The following AGAP1 variants were observed in gnomAD, a reference collection of about 807,000 sequenced individuals.
AGAP1 encodes ArfGAP with GTPase domain, ankyrin repeat and PH domain 1, also known as arf-GAP with GTPase, ANK repeat and PH domain-containing protein 1.
A neutral mutation model predicts 105.3 loss-of-function variants in AGAP1; 29 were observed. The ratio of observed to expected loss-of-function variants is 0.28; its 90% CI spans 0.21 to 0.38. The LOEUF is 0.38. AGAP1 is among the 10% of genes least tolerant of loss of function. The probability of loss-of-function intolerance (pLI) is 1.00; values close to 1 mark genes in which losing one functional copy is unlikely to be tolerated. For missense variants in AGAP1, 998 were observed against 1,165.1 expected, an observed-to-expected ratio of 0.86 and a Z score of 2.09; for synonymous variants, 509 against 485.9, an observed-to-expected ratio of 1.05 and a Z score of -0.63.
At chr2:235,844,502 G>C (rs1401480946) in intron 9 of AGAP1, among the ~76,000 whole-genome samples, 1 of 152,074 alleles carries the variant, frequency 6.6e-6, no homozygotes, top group Non-Finnish European at 1.5e-5. Flanking sequence ...TGCACTTTTG[G>C]GGGCTGATGA....
rs984931008 is a variant in AGAP1 at position 235,546,962 on chromosome 2, G to A, written c.163+52113G>A. On this transcript the variant is annotated intron_variant, in intron 1 of 17. Transcript: ENST00000304032. Reference sequence around the variant, plus strand: ...ACTGGCCGTATTCAGCTCTCCACCCGTAGGGACCTGCTGTGGCAGCCATAA... The same window carrying A: ...ACTGGCCGTATTCAGCTCTCCACCCATAGGGACCTGCTGTGGCAGCCATAA... Among the ~76,000 whole-genome samples the A allele has an allele frequency of 2.6e-5, 4 of 152,212 alleles. 1 individual carries two copies. The South Asian group carries it at 6.2e-4, about 24-fold the overall frequency.
chr2:235,661,605 T>G (rs1381970196), intron 1 of AGAP1, among the ~76,000 whole-genome samples: 2 of 152,128 alleles, frequency 1.3e-5, no homozygotes, highest in Non-Finnish European at 2.9e-5. Flanking sequence ...TGATGTGGAC[T>G]TGGGGCTTCC....
At chr2:236,111,255 G>A (rs910551343) in intron 16 of AGAP1, among the ~76,000 whole-genome samples, 11 of 152,164 alleles carry the variant, frequency 7.2e-5, no homozygotes, top group Non-Finnish European at 1.2e-4. Flanking sequence ...TCCCAGCTGA[G>A]CGTGGTAGTG....
rs567744100 is a variant in AGAP1, at chr2:235,667,161, G to A, written c.164-42018G>A. Among the ~76,000 whole-genome samples the A allele has an allele frequency of 1.4e-3, 206 of 152,264 alleles. 1 individual carries two copies. Among genetic ancestry groups the A allele is most frequent in the Admixed American group, 1.8e-3 (28 of 15,296 alleles). On this transcript the variant is annotated intron_variant, in intron 1 of 17. Coordinates refer to ENST00000304032, the MANE Select transcript of AGAP1 (RefSeq NM_001037131.3). Reference sequence around the variant, plus strand: ...TTATCGCGAAGCTTTTCTCTCCCTCGCTGTCTTTCTGTGGTAAAATCACGT... The same window carrying A: ...TTATCGCGAAGCTTTTCTCTCCCTCACTGTCTTTCTGTGGTAAAATCACGT...
chr2:235,682,526 G>C (rs949519271), intron 1 of AGAP1, among the ~76,000 whole-genome samples: 1 of 151,638 alleles, frequency 6.6e-6, no homozygotes, highest in Non-Finnish European at 1.5e-5. Flanking sequence ...TTTAATTTTA[G>C]TAGAGATGGG....
chr2:236,037,828 G>A (rs898998252), intron 14 of AGAP1, among the ~76,000 whole-genome samples: 6 of 152,260 alleles, frequency 3.9e-5, no homozygotes, highest in Middle Eastern at 3.4e-3. Flanking sequence ...TCTTTGCTGG[G>A]ACGTCTTAGA....
intron 11 of AGAP1, among the ~76,000 whole-genome samples, chr2:235,914,607 G>T (rs963713451): frequency 6.6e-6 from 1 of 152,230 alleles, no homozygotes; most frequent in African/African-American, 2.4e-5. Context: ...TCATCTTCAT[G>T]TCAGTTTTTG....
At chr2:236,064,117 C>G (rs565992505) in intron 16 of AGAP1, among the ~76,000 whole-genome samples, 1 of 152,194 alleles carries the variant, frequency 6.6e-6, no homozygotes, top group Non-Finnish European at 1.5e-5. Context: ...GACACCCAGA[C>G]AGGAAAAGTG....
In AGAP1 at chr2:236,038,396, A is replaced by G. The variant is rs986973028; in HGVS notation, c.1800+1681A>G. Among the ~76,000 whole-genome samples, 13 of 152,312 alleles carry G rather than the reference A, an allele frequency of 8.5e-5. No homozygotes were observed. Among genetic ancestry groups the G allele is most frequent in the African/African-American group, 2.9e-4 (12 of 41,568 alleles). ...CCTGCCACCTCGACCTAATTCAGGA[A>G]GATCTGGGATGGTGGCAGCCTTTCC... On this transcript the variant is annotated intron_variant, in intron 14 of 17. Coordinates refer to ENST00000304032, the MANE Select transcript of AGAP1 (RefSeq NM_001037131.3). This position sits in a 1 kb window ranked among gnomAD's most constrained non-coding sequence, Gnocchi z 4.5.
chr2:235,670,955 C>T (rs1315359341), intron 1 of AGAP1: 19 of 1,311,276 alleles, frequency 1.4e-5, no homozygotes, highest in Non-Finnish European at 1.7e-5. Context: ...GCCCTCGCCA[C>T]GGAGCGGAGC....
intron 11 of AGAP1, among the ~76,000 whole-genome samples, chr2:235,920,490 T>A (rs541395651): frequency 3.3e-5 from 5 of 152,238 alleles, no homozygotes; most frequent in Admixed American, 6.5e-5. Context: ...AAACTGTACC[T>A]CTGACAACAT....
Position 235,691,859 on chromosome 2 carries a change from AC to A in AGAP1, c.164-17319del, listed in dbSNP as rs1949748633. 1.3e-5 allele frequency among the ~76,000 whole-genome samples: 2 copies of A among 152,242 alleles called. No homozygotes were observed. Among genetic ancestry groups the A allele is most frequent in the African/African-American group, 4.8e-5 (2 of 41,460 alleles). On this transcript the variant is annotated intron_variant, in intron 1 of 17. Coordinates refer to ENST00000304032, the MANE Select transcript of AGAP1 (RefSeq NM_001037131.3). This position sits in a 1 kb window ranked among gnomAD's most constrained non-coding sequence, Gnocchi z 4.4. ...ATGAGCTTGGGGACAATGGCCAGTG[AC>A]ATCCAGGAGAGGGAACTTAGAGGCA...
chr2:235,907,305 G>C (rs2051353185), intron 10 of AGAP1, among the ~76,000 whole-genome samples: 1 of 152,160 alleles, frequency 6.6e-6, no homozygotes, highest in African/African-American at 2.4e-5. Flanking sequence ...TTATTTGGCA[G>C]TTCTTCTAAA....
intron 1 of AGAP1, among the ~76,000 whole-genome samples, chr2:235,653,314 A>C (rs1170785687): frequency 6.6e-6 from 1 of 151,750 alleles, no homozygotes; most frequent in Non-Finnish European, 1.5e-5. Flanking sequence ...AAATAAAAAA[A>C]TTAGCCTGGT....
At chr2:236,122,826 A>G (rs2059932538) in intron 17 of AGAP1, among the ~76,000 whole-genome samples, 1 of 151,670 alleles carries the variant, frequency 6.6e-6, no homozygotes, top group Non-Finnish European at 1.5e-5. Flanking sequence ...CTGGGATTAC[A>G]AGCGTACACC....
intron 6 of AGAP1, among the ~76,000 whole-genome samples, chr2:235,783,963 TGGAC>T (rs151167254): frequency 1.4e-4 from 21 of 151,722 alleles, no homozygotes; most frequent in Admixed American, 5.9e-4. Flanking sequence ...GAAAATGAAA[TGGAC>T]GGACGGACGG....
chr2:236,003,264 C>G lies in AGAP1; in HGVS notation c.1646-33297C>G, dbSNP rs192185364. ...TTTGCCATGTTGCCCAGGCTGGTCT[C>G]GAACTCCTGGCCTCAGGTGATCTGC... is the stretch of plus-strand genomic sequence containing the variant. On this transcript the variant is annotated intron_variant, in intron 13 of 17. Coordinates refer to ENST00000304032, the MANE Select transcript of AGAP1 (RefSeq NM_001037131.3). This position sits in a 1 kb window ranked among gnomAD's most constrained non-coding sequence, Gnocchi z 4.2. Among the ~76,000 whole-genome samples the G allele has an allele frequency of 6.6e-6, 1 of 152,136 alleles. No homozygotes were observed. Among genetic ancestry groups the G allele is most frequent in the African/African-American group, 2.4e-5 (1 of 41,426 alleles).
chr2:236,110,633 T>G (rs2059616934), intron 16 of AGAP1, among the ~76,000 whole-genome samples: 1 of 152,206 alleles, frequency 6.6e-6, no homozygotes, highest in Non-Finnish European at 1.5e-5. Context: ...CTGTGAACAT[T>G]ACTGATACTT....
At position 235,573,060 on chromosome 2, in the gene AGAP1, CTTTCTTCT is replaced by C. The variant is rs1171490378; in HGVS notation, c.163+78214_163+78221del. On this transcript the variant is annotated intron_variant, in intron 1 of 17. Coordinates refer to ENST00000304032, the MANE Select transcript of AGAP1 (RefSeq NM_001037131.3). The stretch of plus-strand genomic sequence containing the variant: ...TCTTCTTCTTCTTCTTCTTCTTCTT[CTTTCTTCT>C]TTCTTCTTTCTTCTTTCTTCTTTCT... 2.3e-4 allele frequency among the ~76,000 whole-genome samples: 15 copies of C among 66,344 alleles called. 1 individual carries two copies. Among genetic ancestry groups the C allele is most frequent in the East Asian group, 1.2e-3 (1 of 822 alleles). 43.5% of individuals were successfully genotyped at this position (66,344 alleles called of 152,430 possible).
Sources: gnomAD v4.1 joint callset for allele counts (sites outside exome capture counted in the v4.1 genomes callset) on GRCh38, gnomAD v4.1.1 for gene constraint, Gnocchi (gnomAD v3.1) non-coding constraint, MANE v1.5 for transcripts, NCBI Gene and HGNC (gene_info 2026-07-23, HGNC 2026-07-21) for gene names.